TBXAS1: variants seen among roughly 807,000 people sequenced by gnomAD.
The protein encoded by TBXAS1 is thromboxane A synthase 1, also known as thromboxane-A synthase.
Under a neutral mutation model 60.7 loss-of-function variants are expected in TBXAS1, and 48 were observed. The observed-to-expected ratio is 0.79, with a 90% confidence interval of 0.63 to 1.01. TBXAS1 has a LOEUF of 1.01. Ranked by LOEUF, TBXAS1 falls within the 50% of genes least tolerant of loss-of-function variation. TBXAS1 has a pLI of 0.00. For synonymous variants in TBXAS1, 287 were observed against 269.7 expected, an observed-to-expected ratio of 1.06 and a Z score of -0.63; for missense variants, 685 against 686.3, an observed-to-expected ratio of 1.00 and a Z score of 0.02.
intron 4 of TBXAS1, among the ~76,000 whole-genome samples, chr7:139,813,027 A>C (rs1422127831): frequency 6.6e-6 from 1 of 151,972 alleles, no homozygotes; most frequent in Non-Finnish European, 1.5e-5. Flanking sequence ...ACTGCACTCC[A>C]GCCTGGACAA....
At chr7:140,011,212 G>C (rs1814575623) in intron 10 of TBXAS1, among the ~76,000 whole-genome samples, 1 of 151,888 alleles carries the variant, frequency 6.6e-6, no homozygotes, top group African/African-American at 2.4e-5. Flanking sequence ...GGGAGGCGGA[G>C]GTTGCAGTGA....
At chr7:139,978,233 G>C (rs141227466) in intron 9 of TBXAS1, among the ~76,000 whole-genome samples, 16 of 152,178 alleles carry the variant, frequency 1.1e-4, no homozygotes, top group Non-Finnish European at 2.1e-4. Context: ...AAGAGGCCAG[G>C]CACCGTGGCT....
At chr7:139,799,506 A>G (rs1006004273) in intron 4 of TBXAS1, among the ~76,000 whole-genome samples, 20 of 152,036 alleles carry the variant, frequency 1.3e-4, no homozygotes, top group African/African-American at 4.8e-4. Flanking sequence ...CTAGGACTAC[A>G]CCATGCCTGG....
intron 4 of TBXAS1, among the ~76,000 whole-genome samples, chr7:139,920,408 A>T (rs1569513792): frequency 6.6e-6 from 1 of 152,200 alleles, no homozygotes; most frequent in Non-Finnish European, 1.5e-5. Context: ...ATGGGAAACA[A>T]AGGGCCCATA....
chr7:139,925,957 A>T (rs1806844246), intron 4 of TBXAS1, among the ~76,000 whole-genome samples: 1 of 152,136 alleles, frequency 6.6e-6, no homozygotes, highest in Non-Finnish European at 1.5e-5. Flanking sequence ...GTATATGTTG[A>T]GCCATGCTTG....
At chr7:139,843,225 A>G (rs1164060819) in intron 1 of TBXAS1, among the ~76,000 whole-genome samples, 1 of 152,190 alleles carries the variant, frequency 6.6e-6, no homozygotes, top group Non-Finnish European at 1.5e-5. Flanking sequence ...TCACTCTTCC[A>G]TAAAGGTCTC....
At chr7:139,944,399 C>T (rs901707794) in intron 5 of TBXAS1, among the ~76,000 whole-genome samples, 6 of 152,210 alleles carry the variant, frequency 3.9e-5, no homozygotes, top group South Asian at 4.1e-4. Context: ...GGTTGAGGCA[C>T]GTACAGTTCA....
At chr7:139,903,473 C>T (rs1459608901) in intron 3 of TBXAS1, among the ~76,000 whole-genome samples, 2 of 152,032 alleles carry the variant, frequency 1.3e-5, no homozygotes, top group Non-Finnish European at 2.9e-5. Flanking sequence ...AGTGGGATTG[C>T]TGGATCAAAT....
intron 9 of TBXAS1, among the ~76,000 whole-genome samples, chr7:140,003,121 T>C (rs1813799480): frequency 8.6e-6 from 1 of 116,226 alleles, no homozygotes; most frequent in Admixed American, 8.4e-5. Context: ...CGAAACTCCG[T>C]CTCAAAAAAA....
chr7:139,900,543 G>A (rs1197457033), intron 3 of TBXAS1, among the ~76,000 whole-genome samples: 1 of 152,178 alleles, frequency 6.6e-6, no homozygotes, highest in African/African-American at 2.4e-5. Context: ...AAGAAAAAGG[G>A]GCACCATACT....
intron 1 of TBXAS1, among the ~76,000 whole-genome samples, chr7:139,830,936 T>C (rs923630509): frequency 9.2e-5 from 14 of 152,034 alleles, no homozygotes; most frequent in African/African-American, 3.1e-4. Context: ...GTGCCTGCCA[T>C]GTAGGAACAC....
chr7:139,916,490 CAA>C lies in TBXAS1; in HGVS notation c.333+5171_333+5172del, dbSNP rs1016107442. Among the ~76,000 whole-genome samples the C allele has an allele frequency of 1.4e-4, 21 of 152,294 alleles. No individual in the cohort carries two copies. The highest frequency in any genetic ancestry group is 5.1e-4 in the African/African-American group (21 of 41,554). On this transcript the variant is annotated intron_variant, in intron 4 of 12. Transcript: ENST00000448866. The surrounding 1 kb of genome is among the most constrained non-coding windows in gnomAD (Gnocchi z 4.2). Reference sequence around the variant, plus strand: ...ACCACTGACACACAAGAGTCACGTCCAAAGCCATGTGATGGACGTGGTGGGTG... The same window carrying C: ...ACCACTGACACACAAGAGTCACGTCCAGCCATGTGATGGACGTGGTGGGTG...
chr7:139,886,386 A>T (rs1358111312), intron 3 of TBXAS1, among the ~76,000 whole-genome samples: 4 of 99,644 alleles, frequency 4.0e-5, no homozygotes, highest in Non-Finnish European at 8.0e-5. Flanking sequence ...TTGCAGATGA[A>T]TTTTTTTTTT....
rs147721420 is a variant in TBXAS1, at chr7:139,923,161, A to AAT, written c.333+11854_333+11855dup. ...ACCAAGACCCAGTCTCTACTAAACA[A>AAT]ATATATATATATATAATTAGCCAGG... On this transcript the variant is annotated intron_variant, in intron 4 of 12. Coordinates refer to ENST00000448866, the MANE Select transcript of TBXAS1 (RefSeq NM_001061.7). Among the ~76,000 whole-genome samples, 483 of 150,336 alleles carry AAT rather than the reference A, an allele frequency of 3.2e-3. 2 individuals carry two copies. Among genetic ancestry groups the AAT allele is most frequent in the African/African-American group, 0.01 (428 of 41,098 alleles).
intron 1 of TBXAS1, among the ~76,000 whole-genome samples, chr7:139,863,125 A>C (rs755204219): frequency 4.6e-5 from 7 of 152,240 alleles, no homozygotes; most frequent in Non-Finnish European, 1.0e-4. Context: ...AAGACAGTAT[A>C]TAAAAAGTAC....
intron 9 of TBXAS1, among the ~76,000 whole-genome samples, chr7:140,003,675 G>T (rs987396190): frequency 1.3e-5 from 2 of 151,912 alleles, no homozygotes; most frequent in East Asian, 3.9e-4. Context: ...AGTTTTCTTC[G>T]GGGAACCAAC....
At chr7:139,946,895 G>T (rs568437012) in intron 5 of TBXAS1, among the ~76,000 whole-genome samples, 8 of 152,314 alleles carry the variant, frequency 5.3e-5, no homozygotes, top group Admixed American at 5.2e-4. Flanking sequence ...GTGCCTTTGA[G>T]TATTTGCTAT....
Position 139,999,065 on chromosome 7 carries a change from G to A in TBXAS1, c.1135-8026G>A, listed in dbSNP as rs1813490306. On this transcript the variant is annotated intron_variant, in intron 9 of 12. Coordinates refer to ENST00000448866, the MANE Select transcript of TBXAS1 (RefSeq NM_001061.7). The surrounding 1 kb of genome is among the most constrained non-coding windows in gnomAD (Gnocchi z 4.3). The stretch of plus-strand genomic sequence containing the variant: ...GGCATTGGCCAGGGAAGCCAGCAAT[G>A]TGGATGGAAAGATTTATCACCCCCT... Among the ~76,000 whole-genome samples, 1 of 152,240 alleles carries A rather than the reference G, an allele frequency of 6.6e-6. No homozygotes were observed. The highest frequency in any genetic ancestry group is 1.5e-5 in the Non-Finnish European group (1 of 68,052).
rs947407127 is a variant in TBXAS1 at position 139,880,089 on chromosome 7, G to A, written c.236+4452G>A. 5.3e-5 allele frequency among the ~76,000 whole-genome samples: 8 copies of A among 152,140 alleles called. No individual in the cohort carries two copies. In the South Asian group the frequency reaches 1.5e-3, roughly 28 times the overall value. On this transcript the variant is annotated intron_variant, in intron 3 of 12. Transcript: ENST00000448866. ...GGTAAAGACGGGGCTTCAACATGTCGGCCAGGCTGGTCTCAACTCCTGACC... is the reference window on the plus strand; with the variant it reads ...GGTAAAGACGGGGCTTCAACATGTCAGCCAGGCTGGTCTCAACTCCTGACC...
Sources: gnomAD v4.1 joint callset for allele counts (sites outside exome capture counted in the v4.1 genomes callset) on GRCh38, gnomAD v4.1.1 for gene constraint, Gnocchi (gnomAD v3.1) non-coding constraint, MANE v1.5 for transcripts, NCBI Gene and HGNC (gene_info 2026-07-23, HGNC 2026-07-21) for gene names.